Variants in OLAH observed in about 807,000 individuals in gnomAD.
The protein encoded by OLAH is S-acyl fatty acid synthase thioesterase, medium chain.
In OLAH, 33 loss-of-function variants were observed where a neutral mutation model predicts 27.8. The ratio of observed to expected loss-of-function variants is 1.19; its 90% CI spans 0.90 to 1.59. The LOEUF (loss-of-function observed/expected upper bound fraction) is 1.59, where lower values mean the gene tolerates loss of function less well. Among genes scored for constraint, OLAH ranks in the 40% most tolerant of loss-of-function variants. The pLI, the probability that OLAH is intolerant of heterozygous loss-of-function variation, is 0.00. For synonymous variants in OLAH, 120 were observed against 102.9 expected (o/e 1.17, Z -1.01); for missense variants, 359 against 310.8 (o/e 1.16, Z -1.17).
chr10:15,044,721 A>T (rs1383458519), intron 1 of OLAH, among the ~76,000 whole-genome samples: 2 of 151,982 alleles, frequency 1.3e-5, no homozygotes, highest in African/African-American at 4.8e-5. Context: ...TAGAATTCTA[A>T]TTTGGCAGTT....
chr10:15,032,901 C>T (rs1269690357), intron 1 of OLAH, among the ~76,000 whole-genome samples: 10 of 151,920 alleles, frequency 6.6e-5, no homozygotes, highest in Admixed American at 6.6e-4. Context: ...TTTAGACAGT[C>T]TTACTTTGTA....
At chr10:15,072,571 C>A (rs1378423251) in intron 7 of OLAH, among the ~76,000 whole-genome samples, 2 of 152,096 alleles carry the variant, frequency 1.3e-5, no homozygotes, top group East Asian at 3.8e-4. Context: ...AGCACTTTCT[C>A]TTACAGATGA....
chr10:15,047,351 C>T, intron 2 of OLAH, 31 bp downstream of exon 2: 1 of 1,610,532 alleles, frequency 6.2e-7, no homozygotes, highest in Non-Finnish European at 8.5e-7. Flanking sequence ...CCAGGCTCTT[C>T]CTCCATCCCA....
At chr10:15,064,534 A>C in intron 5 of OLAH, 32 bp downstream of exon 5, 1 of 1,234,728 alleles carries the variant, frequency 8.1e-7, no homozygotes. Context: ...TAGGAAGGGC[A>C]GTGGAGAGCA....
At chr10:15,047,423 A>G (rs1393107040) in intron 2 of OLAH, 103 bp downstream of exon 2, 9 of 1,150,030 alleles carry the variant, frequency 7.8e-6, no homozygotes, top group African/African-American at 1.5e-5. Flanking sequence ...TTTCTCAGCC[A>G]GGTGCTCACA....
chr10:15,065,551 A>G (rs368770321), intron 5 of OLAH, 33 bp from the exon 6 acceptor site: 1 of 1,572,348 alleles, frequency 6.4e-7, no homozygotes, highest in Non-Finnish European at 8.6e-7. Flanking sequence ...GTTATATGAA[A>G]TATCAGGCCT....
intron 3 of OLAH, among the ~76,000 whole-genome samples, chr10:15,060,693 C>T (rs571936462): frequency 1.3e-5 from 2 of 151,966 alleles, no homozygotes; most frequent in South Asian, 4.1e-4. Context: ...ATTTAATAAC[C>T]GTTTAAGGTC....
In OLAH at chr10:15,071,815, C is replaced by T. The variant is rs993161221; in HGVS notation, c.593C>T (p.Ala198Val). The T allele has an allele frequency of 1.2e-5, 19 of 1,613,006 alleles. No homozygotes were observed. Among genetic ancestry groups the T allele is most frequent in the Non-Finnish European group, 1.5e-5 (18 of 1,179,092 alleles). ...TATAGCTCTAACGTACCATCTAAGGCTGTTCTTTCCTGTGACTTGACATGT... is the reference window on the plus strand; with the variant it reads ...TATAGCTCTAACGTACCATCTAAGGTTGTTCTTTCCTGTGACTTGACATGT... ...RSCTSNVPSK[A>V]VLSCDLTCFV... The change falls in exon 7 of 8, where the codon GCT (alanine) becomes GTT (valine). Residue 198 changes from alanine to valine, a missense_variant. By Grantham distance (64) the Ala-to-Val change is moderately conservative. Coordinates refer to ENST00000378228, the MANE Select transcript of OLAH (RefSeq NM_001039702.3).
intron 1 of OLAH, among the ~76,000 whole-genome samples, chr10:15,033,164 G>T (rs183120867): frequency 3.3e-5 from 5 of 151,830 alleles, no homozygotes; most frequent in Non-Finnish European, 7.4e-5. Flanking sequence ...GGCCTGAACC[G>T]CTGCAGCCTA....
chr10:15,056,193 C>A (rs1317364027), intron 3 of OLAH, among the ~76,000 whole-genome samples: 12 of 152,082 alleles, frequency 7.9e-5, no homozygotes, highest in African/African-American at 2.9e-4. Context: ...GACTATAACA[C>A]AATTTATGTA....
chr10:15,064,100 G>A (rs188503362), intron 4 of OLAH, among the ~76,000 whole-genome samples: 2 of 152,248 alleles, frequency 1.3e-5, no homozygotes, highest in East Asian at 1.9e-4. Context: ...TGAGAACTGC[G>A]GATATATACT....
At chr10:15,047,807 C>T (rs1227928748) in intron 2 of OLAH, among the ~76,000 whole-genome samples, 1 of 151,868 alleles carries the variant, frequency 6.6e-6, no homozygotes, top group Non-Finnish European at 1.5e-5. Context: ...AAATTATCCA[C>T]CCCCCCAAAA....
upstream of OLAH, among the ~76,000 whole-genome samples, chr10:15,040,607 C>T (rs1265159101): frequency 6.6e-6 from 1 of 152,112 alleles, no homozygotes; most frequent in African/African-American, 2.4e-5. Flanking sequence ...TCCCTTTCCC[C>T]CGTCCTAGAT....
intron 1 of OLAH, among the ~76,000 whole-genome samples, chr10:15,035,194 T>C (rs558299788): frequency 1.3e-5 from 2 of 152,086 alleles, no homozygotes; most frequent in Admixed American, 1.3e-4. Context: ...AGAAGCAAAG[T>C]TAGAGAAAAG....
chr10:15,062,123 T>C (rs764811404), intron 4 of OLAH: 15 of 332,364 alleles, frequency 4.5e-5, no homozygotes, highest in Non-Finnish European at 7.6e-5. Flanking sequence ...ATTTTTGAAA[T>C]AAGAAATTAT....
rs758332441 is a variant in OLAH at position 15,071,859 on chromosome 10, A to G, written c.637A>G (p.Ile213Val). ...DLTCFVGSED[I>V]AKDMEAWKDV... ...GACATGTTTTGTTGGATCTGAAGAC[A>G]TAGCAAAGGACATGGAAGGTGAAAT... The change falls in exon 7 of 8, where the codon ATA (isoleucine) becomes GTA (valine). Residue 213 changes from isoleucine to valine, a missense_variant. By Grantham distance (29) the Ile-to-Val change is conservative. Transcript: ENST00000378228. 1.9e-6 allele frequency: 3 copies of G among 1,611,666 alleles called. No individual in the cohort carries two copies. Among genetic ancestry groups the G allele is most frequent in the Admixed American group, 1.7e-5 (1 of 59,994 alleles).
At chr10:15,053,390 C>T (rs768263676) in intron 3 of OLAH, among the ~76,000 whole-genome samples, 8 of 152,148 alleles carry the variant, frequency 5.3e-5, no homozygotes, top group African/African-American at 9.7e-5. Flanking sequence ...TTCACACATG[C>T]GCACTAAGAG....
intron 6 of OLAH, 181 bp from the exon 7 acceptor site, chr10:15,071,614 A>T: frequency 1.0e-6 from 1 of 984,978 alleles, no homozygotes; most frequent in Non-Finnish European, 1.2e-6. Flanking sequence ...ATTAGTCTCC[A>T]CACTGAGTCT....
intron 3 of OLAH, among the ~76,000 whole-genome samples, chr10:15,055,232 C>T (rs994750473): frequency 2.0e-5 from 3 of 152,224 alleles, no homozygotes; most frequent in Non-Finnish European, 4.4e-5. Context: ...TCTTTGTTTA[C>T]GACAAAGTGT....
Sources: gnomAD v4.1 joint callset for allele counts (sites outside exome capture counted in the v4.1 genomes callset) on GRCh38, gnomAD v4.1.1 for gene constraint, MANE v1.5 for transcripts, NCBI Gene and HGNC (gene_info 2026-07-23, HGNC 2026-07-21) for gene names.